Variants in AGA observed in about 807,000 individuals in gnomAD.
AGA encodes the protein aspartylglucosaminidase.
Under a neutral mutation model 40.1 loss-of-function variants are expected in AGA, and 31 were observed. The observed-to-expected ratio is 0.77, with a 90% CI of 0.58 to 1.04. The LOEUF (loss-of-function observed/expected upper bound fraction) is 1.04, where lower values mean the gene tolerates loss of function less well. Ranked by LOEUF, AGA falls within the 50% of genes least tolerant of loss-of-function variation. AGA has a pLI of 0.00. For missense variants in AGA, 445 were observed against 435.4 expected (o/e 1.02, Z -0.20); for synonymous variants, 148 against 144.0 (o/e 1.03, Z -0.20).
chr4:177,441,043 T>C lies in AGA; in HGVS notation c.128-617A>G, dbSNP rs142099994. On this transcript the variant is annotated intron_variant, in intron 1 of 8. Transcript: ENST00000264595. ...AGTTTAAGGTCACACAGCTGGTAAGTAGCAGAGCCAGGATCCCATACATTT... is the reference window on the plus strand; with the variant it reads ...AGTTTAAGGTCACACAGCTGGTAAGCAGCAGAGCCAGGATCCCATACATTT... Among the ~76,000 whole-genome samples the C allele has an allele frequency of 3.3e-3, 490 of 150,330 alleles. 2 individuals carry two copies. The highest frequency in any genetic ancestry group is 0.011 in the African/African-American group (449 of 41,536).
At chr4:177,432,973 A>G (rs1298352745) in intron 8 of AGA, among the ~76,000 whole-genome samples, 2 of 152,200 alleles carry the variant, frequency 1.3e-5, no homozygotes, top group Non-Finnish European at 2.9e-5. Flanking sequence ...GACACATGTG[A>G]AAGATAAGAA....
chr4:177,438,682 G>T, intron 4 of AGA, 63 bp downstream of exon 4: 1 of 1,123,570 alleles, frequency 8.9e-7, no homozygotes, highest in Non-Finnish European at 1.3e-6. Flanking sequence ...GCAACACTGA[G>T]CAGAAAGGAT....
In AGA at chr4:177,442,234, G is replaced by A; in HGVS notation, c.127+15C>T. The stretch of plus-strand genomic sequence containing the variant: ...TCTCGCGGCGCAGCCGCCCGCCCAG[G>A]CCGCCAACCCGCACCTGCTTCGGTT... On this transcript the variant is annotated intron_variant, in intron 1 of 8. Transcript: ENST00000264595. 6.2e-7 allele frequency: 1 copy of A among 1,613,168 alleles called. No individual in the cohort carries two copies. Among genetic ancestry groups the A allele is most frequent in the African/African-American group, 1.3e-5 (1 of 75,024 alleles).
rs546644917 is a variant in AGA at position 177,431,501 on chromosome 4, A to G, written c.*207T>C. On this transcript the variant is annotated 3_prime_UTR_variant, in exon 9 of 9. Transcript: ENST00000264595. ...ACAAAATACAGCCACATACATATTC[A>G]TCTTCAGATAATATAAGAAAGGTTA... 38 of 622,334 alleles carry G rather than the reference A, an allele frequency of 6.1e-5. 1 individual carries two copies. In the East Asian group the frequency reaches 6.1e-4, roughly 10 times the overall value. 38.6% of individuals were successfully genotyped at this position (622,334 alleles called of 1,614,324 possible).
At position 177,439,322 on chromosome 4, in the gene AGA, C is replaced by A. The variant is rs6830102; in HGVS notation, c.394+254G>T. Among the ~76,000 whole-genome samples the A allele has an allele frequency of 0.99, 151,550 of 152,322 alleles. 75,395 individuals carry two copies. Among genetic ancestry groups the A allele is most frequent in the Middle Eastern group, 1 (294 of 294 alleles). On this transcript the variant is annotated intron_variant, in intron 3 of 8. Transcript: ENST00000264595. ...CTTGAACCCAGGAGGCAGAGGTTGT[C>A]GGGAGCTGAGATCGCGCCATTGCAC...
At chr4:177,433,443 C>A in intron 7 of AGA, 96 bp from the exon 8 acceptor site, 1 of 1,431,302 alleles carries the variant, frequency 7.0e-7, no homozygotes, top group Non-Finnish European at 9.8e-7. Context: ...CCAAAATTGC[C>A]ACATGTGATA....
Position 177,434,364 on chromosome 4 carries a change from C to T in AGA, c.806+18G>A. ...CTTCTCCAAAGGTCTCTAAAATTCACAAACTAAGAAGTCATACCTTGGCAG... is the reference window on the plus strand; with the variant it reads ...CTTCTCCAAAGGTCTCTAAAATTCATAAACTAAGAAGTCATACCTTGGCAG... On this transcript the variant is annotated intron_variant, in intron 7 of 8. Transcript: ENST00000264595. 1.2e-6 allele frequency: 2 copies of T among 1,609,786 alleles called. No homozygotes were observed. Among genetic ancestry groups the T allele is most frequent in the Non-Finnish European group, 1.7e-6 (2 of 1,176,124 alleles).
chr4:177,440,006 A>C, intron 2 of AGA: 2 of 588,748 alleles, frequency 3.4e-6, no homozygotes, highest in South Asian at 4.1e-5. Context: ...ACAGCAGATA[A>C]ATGATTGTTT....
chr4:177,440,927 T>C (rs1170240730), intron 1 of AGA, among the ~76,000 whole-genome samples: 4 of 152,198 alleles, frequency 2.6e-5, no homozygotes, highest in Non-Finnish European at 5.9e-5. Context: ...GATTAGTTCA[T>C]TGAGTCTTCA....
intron 6 of AGA, among the ~76,000 whole-genome samples, chr4:177,435,816 ACC>A (rs999279710): frequency 7.1e-6 from 1 of 141,200 alleles, no homozygotes; most frequent in Non-Finnish European, 1.5e-5. Flanking sequence ...ACACACACAC[ACC>A]CCTTCTTTCC....
chr4:177,438,258 G>A (rs187958563), intron 4 of AGA, among the ~76,000 whole-genome samples: 3 of 152,144 alleles, frequency 2.0e-5, no homozygotes, highest in African/African-American at 7.2e-5. Context: ...TCCCACAGAA[G>A]GACCCTGTAC....
intron 1 of AGA, 125 bp downstream of exon 1, chr4:177,442,124 G>A: frequency 1.4e-6 from 2 of 1,417,718 alleles, no homozygotes; most frequent in African/African-American, 1.4e-5. Flanking sequence ...GGGCGGGACC[G>A]CGAGGCCCGG....
rs1736621870 is a variant in AGA at position 177,431,277 on chromosome 4, G to A, written c.*431C>T. On this transcript the variant is annotated 3_prime_UTR_variant, in exon 9 of 9. Transcript: ENST00000264595. ...AAGACATGCATCACTGTGACATAATGAAATTCAATCAGGACTGATCATGCT... is the reference window on the plus strand; with the variant it reads ...AAGACATGCATCACTGTGACATAATAAAATTCAATCAGGACTGATCATGCT... 6.9e-6 allele frequency: 3 copies of A among 437,634 alleles called. No individual in the cohort carries two copies. Among genetic ancestry groups the A allele is most frequent in the Non-Finnish European group, 1.4e-5 (3 of 222,178 alleles). The allele number at this position is 437,634 out of a possible 1,614,324, so 27.1% of individuals were successfully genotyped here.
In AGA at chr4:177,442,239, C is replaced by T. The variant is rs769911267; in HGVS notation, c.127+10G>A. 3 of 1,613,526 alleles carry T rather than the reference C, an allele frequency of 1.9e-6. No individual in the cohort carries two copies. Among genetic ancestry groups the T allele is most frequent in the East Asian group, 4.5e-5 (2 of 44,850 alleles). On this transcript the variant is annotated intron_variant, in intron 1 of 8. Transcript: ENST00000264595. ...CGGCGCAGCCGCCCGCCCAGGCCGC[C>T]AACCCGCACCTGCTTCGGTTGCATT...
At position 177,440,395 on chromosome 4, in the gene AGA, G is replaced by A; in HGVS notation, c.159C>T (p.Ala53=). ...CACAGCCGCTCTCCACTGCATCCAG[G>A]GCAGAGCCTCCAGATGCTAATGCCC... The part of the protein sequence containing the change: ...AWRALASGGS[A]LDAVESGCAM... The change falls in exon 2 of 9, where the codon GCC becomes GCT. Residue 53 remains alanine, a synonymous_variant. Transcript: ENST00000264595. The A allele has an allele frequency of 1.9e-6, 3 of 1,613,868 alleles. No individual in the cohort carries two copies. The highest frequency in any genetic ancestry group is 2.5e-6 in the Non-Finnish European group (3 of 1,180,022).
At chr4:177,434,769 G>T (rs1736754343) in intron 6 of AGA, among the ~76,000 whole-genome samples, 1 of 152,164 alleles carries the variant, frequency 6.6e-6, no homozygotes, top group Non-Finnish European at 1.5e-5. Context: ...GCTGGGGGGA[G>T]GGGGACCTGG....
chr4:177,440,937 A>C (rs1426258864), intron 1 of AGA, among the ~76,000 whole-genome samples: 1 of 152,214 alleles, frequency 6.6e-6, no homozygotes, highest in Admixed American at 6.5e-5. Context: ...TTGAGTCTTC[A>C]TAACAGCTTC....
At chr4:177,440,694 C>T (rs570552208) in intron 1 of AGA, among the ~76,000 whole-genome samples, 34 of 149,626 alleles carry the variant, frequency 2.3e-4, no homozygotes, top group Admixed American at 4.0e-4. Context: ...CTTCTGTGTG[C>T]GAGAAACGAA....
chr4:177,439,303 C>T (rs1736918373), intron 3 of AGA, among the ~76,000 whole-genome samples: 1 of 152,140 alleles, frequency 6.6e-6, no homozygotes, highest in African/African-American at 2.4e-5. Context: ...ATCACTTGAA[C>T]CCAGGAGGCA....
Sources: allele counts gnomAD v4.1 joint callset (sites outside exome capture counted in the v4.1 genomes callset), GRCh38; gene constraint gnomAD v4.1.1; transcripts MANE v1.5; gene names NCBI Gene and HGNC (gene_info 2026-07-23, HGNC 2026-07-21).